The following KCNMA1 variants were observed in gnomAD, a reference collection of about 807,000 sequenced individuals.
KCNMA1 encodes potassium calcium-activated channel subfamily M alpha 1, also known as Calcium-activated potassium channel subunit alpha-1.
In KCNMA1, 29 loss-of-function variants were observed where a neutral mutation model predicts 140.0. The ratio of observed to expected loss-of-function variants is 0.21; its 90% CI spans 0.15 to 0.28. KCNMA1 has a LOEUF of 0.28. Among genes scored for constraint, KCNMA1 ranks in the 10% least tolerant of loss-of-function variants. The pLI is 1.00. For synonymous variants in KCNMA1, 612 were observed against 611.9 expected, an observed-to-expected ratio of 1.00 and a Z score of 0.00; for missense variants, 880 against 1,602.2, an observed-to-expected ratio of 0.55 and a Z score of 7.70.
chr10:76,899,267 A>G (rs2152095180), intron 25 of KCNMA1, among the ~76,000 whole-genome samples: 1 of 152,238 alleles, frequency 6.6e-6, no homozygotes, highest in South Asian at 2.1e-4. Flanking sequence ...GGACTTTTTA[A>G]AACTTGATAA....
At chr10:76,948,163 T>C (rs1443202509) in intron 22 of KCNMA1, among the ~76,000 whole-genome samples, 1 of 151,926 alleles carries the variant, frequency 6.6e-6, no homozygotes, top group Non-Finnish European at 1.5e-5. Flanking sequence ...CGCCACCACA[T>C]CAGGCTAATT....
At position 77,180,809 on chromosome 10, in the gene KCNMA1, G is replaced by A. The variant is rs537855844; in HGVS notation, c.808+2612C>T. ...AAGCGACCACAGTTGATACAAAGATGTATCTCATTAGAAATTCATTTCCAC... is the reference window on the plus strand; with the variant it reads ...AAGCGACCACAGTTGATACAAAGATATATCTCATTAGAAATTCATTTCCAC... On this transcript the variant is annotated intron_variant, in intron 5 of 27. Transcript: ENST00000286628. 7.9e-5 allele frequency among the ~76,000 whole-genome samples: 12 copies of A among 152,242 alleles called. No homozygotes were observed. In the East Asian group the frequency reaches 2.1e-3, roughly 27 times the overall value.
rs76644618 is a variant in KCNMA1, at chr10:76,886,334, C to A, written c.*932G>T. The A allele has an allele frequency of 1.9e-3, 1,853 of 985,186 alleles. 31 individuals carry two copies. The African/African-American group carries it at 0.028, about 15-fold the overall frequency. The allele number at this position is 985,186 out of a possible 1,614,324, so 61.0% of individuals were successfully genotyped here. On this transcript the variant is annotated 3_prime_UTR_variant, in exon 28 of 28. Transcript: ENST00000286628. ...TTCTGTACATAAGGTAAGTAATTCACCTTTTAAAAGATGTAAAAGTCCCAG... is the reference window on the plus strand; with the variant it reads ...TTCTGTACATAAGGTAAGTAATTCAACTTTTAAAAGATGTAAAAGTCCCAG...
rs1370349180 is a variant in KCNMA1, at chr10:76,887,307, A to G, written c.3670T>C (p.Ser1224Pro). Residue 1224 changes from serine to proline, a missense_variant, in exon 28 of 28, where the codon TCC becomes CCC. Around this residue, in one of 13 missense-constraint regions of KCNMA1, gnomAD observed 115 missense variants for 139.9 expected, o/e 0.82. Coordinates refer to ENST00000286628, the MANE Select transcript of KCNMA1 (RefSeq NM_001161352.2). ...TGCACGTACTTCTGTTTGTCCCGGG[A>G]CTCCCTGGACTTGGGCCGGTTCTGT... ...NRQNRPKSRE[S>P]RDKQKYVQEE... 12 of 1,613,586 alleles carry G rather than the reference A, an allele frequency of 7.4e-6. No homozygotes were observed. The highest frequency in any genetic ancestry group is 1.7e-5 in the Admixed American group (1 of 59,956).
At chr10:77,156,063 T>TA (rs2098479835) in intron 5 of KCNMA1, among the ~76,000 whole-genome samples, 1 of 151,692 alleles carries the variant, frequency 6.6e-6, no homozygotes, top group South Asian at 2.1e-4. Flanking sequence ...CCGTCTGTAC[T>TA]AAAAATACAA....
rs116964587 is a variant in KCNMA1 at position 77,598,266 on chromosome 10, C to T, written c.378+38999G>A. Among the ~76,000 whole-genome samples, 622 of 152,312 alleles carry T rather than the reference C, an allele frequency of 4.1e-3. 2 individuals are homozygous for T. The highest frequency in any genetic ancestry group is 6.4e-3 in the Non-Finnish European group (432 of 68,024). On this transcript the variant is annotated intron_variant, in intron 1 of 27. Coordinates refer to ENST00000286628, the MANE Select transcript of KCNMA1 (RefSeq NM_001161352.2). The stretch of plus-strand genomic sequence containing the variant: ...GATTACAGGCATGAGCCACTGCACC[C>T]GGCCCACTGTAAAATATTTTAATCC...
At chr10:77,138,842 A>G (rs2098108786) in intron 5 of KCNMA1, among the ~76,000 whole-genome samples, 1 of 152,122 alleles carries the variant, frequency 6.6e-6, no homozygotes, top group Non-Finnish European at 1.5e-5. Flanking sequence ...TTTCTTGGGA[A>G]TGTTCTTCCC....
chr10:77,050,927 G>A (rs1198172097), intron 14 of KCNMA1, among the ~76,000 whole-genome samples: 1 of 152,172 alleles, frequency 6.6e-6, no homozygotes, highest in African/African-American at 2.4e-5. Context: ...TGTTTGGGCT[G>A]TTGTGATAAT....
At chr10:77,483,858 C>T (rs562037521) in intron 1 of KCNMA1, among the ~76,000 whole-genome samples, 6 of 152,310 alleles carry the variant, frequency 3.9e-5, no homozygotes, top group African/African-American at 1.2e-4. Context: ...CAATTCTCAT[C>T]GTGACAAAAG....
At chr10:77,509,969 T>C (rs932762814) in intron 1 of KCNMA1, among the ~76,000 whole-genome samples, 1 of 151,910 alleles carries the variant, frequency 6.6e-6, no homozygotes, top group African/African-American at 2.4e-5. Flanking sequence ...GGGGCTGATA[T>C]CATAACCCAA....
At chr10:76,929,310 T>C (rs1410438602) in intron 23 of KCNMA1, among the ~76,000 whole-genome samples, 3 of 152,212 alleles carry the variant, frequency 2.0e-5, no homozygotes, top group Non-Finnish European at 4.4e-5. Flanking sequence ...CATGGCCTGA[T>C]TGATTTTCAA....
At chr10:77,448,443 G>C (rs4979883) in intron 1 of KCNMA1, among the ~76,000 whole-genome samples, 6,015 of 152,220 alleles carry the variant, frequency 0.04, 407 homozygotes, top group African/African-American at 0.14. Context: ...CACCGGCCAG[G>C]CCTCTGCACA....
intron 9 of KCNMA1, among the ~76,000 whole-genome samples, chr10:77,101,435 G>C (rs1053556373): frequency 6.6e-6 from 1 of 152,186 alleles, no homozygotes; most frequent in Non-Finnish European, 1.5e-5. Flanking sequence ...CTTATTTACT[G>C]TATCTGTCTG....
chr10:77,402,654 C>A (rs1241724585), intron 2 of KCNMA1, among the ~76,000 whole-genome samples: 1 of 152,138 alleles, frequency 6.6e-6, no homozygotes, highest in African/African-American at 2.4e-5. Flanking sequence ...TTGAGTTCTC[C>A]CCAAGAAGGA....
At chr10:77,226,321 AC>A (rs1449439540) in intron 3 of KCNMA1, among the ~76,000 whole-genome samples, 1 of 151,974 alleles carries the variant, frequency 6.6e-6, no homozygotes, top group Non-Finnish European at 1.5e-5. Context: ...CCTTTAGCCT[AC>A]CTATTTTTCT....
chr10:76,990,280 C>T (rs1490277506), intron 19 of KCNMA1, among the ~76,000 whole-genome samples: 1 of 152,188 alleles, frequency 6.6e-6, no homozygotes, highest in Admixed American at 6.5e-5. Flanking sequence ...CAAAGCATGA[C>T]TTCACCAGGA....
chr10:77,036,115 A>C (rs771904437), intron 15 of KCNMA1, among the ~76,000 whole-genome samples: 5 of 152,206 alleles, frequency 3.3e-5, no homozygotes, highest in Non-Finnish European at 5.9e-5. Context: ...TCCAGCCTTC[A>C]TCTTTCTCCT....
chr10:77,385,529 C>T (rs2095569315), intron 2 of KCNMA1, among the ~76,000 whole-genome samples: 2 of 152,240 alleles, frequency 1.3e-5, no homozygotes, highest in Non-Finnish European at 2.9e-5. Context: ...AAAGGTCAAA[C>T]TCAGCCAGTC....
In KCNMA1 at chr10:77,455,871, T is replaced by G. The variant is rs1002872801; in HGVS notation, c.379-51848A>C. On this transcript the variant is annotated intron_variant, in intron 1 of 27. Transcript: ENST00000286628. ...CAAACGCCCCCTTTCCATTCAGCTC[T>G]TAGTCCTCAGAGCTTTCAGTCCAAG... Among the ~76,000 whole-genome samples the G allele has an allele frequency of 3.3e-5, 5 of 152,240 alleles. No homozygotes were observed. The East Asian group carries it at 9.6e-4, about 29-fold the overall frequency.
Sources: gnomAD v4.1 joint callset for allele counts (sites outside exome capture counted in the v4.1 genomes callset) on GRCh38, gnomAD v4.1.1 for gene constraint, gnomAD v4.1.1 regional missense constraint, MANE v1.5 for transcripts, NCBI Gene and HGNC (gene_info 2026-07-23, HGNC 2026-07-21) for gene names.